The following PFKFB3 variants were observed in gnomAD, a reference collection of about 807,000 sequenced individuals.
PFKFB3 encodes the protein 6-phosphofructo-2-kinase/fructose-2,6-bisphosphatase 3.
PFKFB3 carries 33 observed loss-of-function variants against 68.0 expected under a neutral mutation model. The ratio of observed to expected loss-of-function variants is 0.49; its 90% CI spans 0.37 to 0.65. The LOEUF (loss-of-function observed/expected upper bound fraction) is 0.65, where lower values mean the gene tolerates loss of function less well. Ranked by LOEUF, PFKFB3 falls within the 30% of genes least tolerant of loss-of-function variation. The pLI, the probability that PFKFB3 is intolerant of heterozygous loss-of-function variation, is 0.00. For missense variants in PFKFB3, 586 were observed against 712.2 expected, an observed-to-expected ratio of 0.82 and a Z score of 2.02; for synonymous variants, 315 against 288.2, an observed-to-expected ratio of 1.09 and a Z score of -0.94.
At chr10:6,204,387 G>A (rs1843552267) in intron 1 of PFKFB3, among the ~76,000 whole-genome samples, 1 of 152,262 alleles carries the variant, frequency 6.6e-6, no homozygotes, top group African/African-American at 2.4e-5. Flanking sequence ...GCGCCTGAGC[G>A]CAGGCGGCTG....
intron 8 of PFKFB3, among the ~76,000 whole-genome samples, chr10:6,221,117 G>T (rs1343816783): frequency 6.6e-6 from 1 of 152,132 alleles, no homozygotes; most frequent in Non-Finnish European, 1.5e-5. Context: ...TACTTTGTAT[G>T]TGTTTGTATG....
In PFKFB3 at chr10:6,215,803, CCT is replaced by C. The variant is rs892712463; in HGVS notation, c.300-321_300-320del. Among the ~76,000 whole-genome samples the C allele has an allele frequency of 6.6e-6, 1 of 152,180 alleles. No homozygotes were observed. The highest frequency in any genetic ancestry group is 2.4e-5 in the African/African-American group (1 of 41,438). On this transcript the variant is annotated intron_variant, in intron 3 of 14. Coordinates refer to ENST00000379775, the MANE Select transcript of PFKFB3 (RefSeq NM_004566.4). The surrounding 1 kb of genome is among the most constrained non-coding windows in gnomAD (Gnocchi z 4.3). ...GAGTCTCCTGGGGGATGCTAAAATC[CCT>C]GATGCCAGGCCCCACCCCAGACCAG...
chr10:6,164,264 G>A (rs77348457), intron 1 of PFKFB3, among the ~76,000 whole-genome samples: 1,645 of 152,274 alleles, frequency 0.011, 69 homozygotes, highest in East Asian at 0.099. Context: ...AGCCCCCAGT[G>A]TGGGACACAG....
chr10:6,161,026 C>T (rs893810862), intron 1 of PFKFB3, among the ~76,000 whole-genome samples: 8 of 152,052 alleles, frequency 5.3e-5, no homozygotes, highest in Admixed American at 2.6e-4. Flanking sequence ...ACCTCCGCTT[C>T]TCGGGTTCAA....
At chr10:6,213,483 C>T (rs1844362268) in intron 1 of PFKFB3, 140 bp from the exon 2 acceptor site, 1 of 946,120 alleles carries the variant, frequency 1.1e-6, no homozygotes, top group Non-Finnish European at 1.6e-6. Context: ...GGCCACCGTG[C>T]TCCCGCCTGG....
At position 6,233,163 on chromosome 10, in the gene PFKFB3, G is replaced by A; in HGVS notation, c.*221G>A. 3.7e-6 allele frequency: 2 copies of A among 538,300 alleles called. No homozygotes were observed. Among genetic ancestry groups the A allele is most frequent in the South Asian group, 2.4e-5 (1 of 41,622 alleles). 33.3% of individuals were successfully genotyped at this position (538,300 alleles called of 1,614,324 possible). On this transcript the variant is annotated 3_prime_UTR_variant, in exon 15 of 15. Coordinates refer to ENST00000379775, the MANE Select transcript of PFKFB3 (RefSeq NM_004566.4). ...GGTCCCTGGCGCCCTGCCTTTAGCC[G>A]TGGGGCCCCCACCTCCACTCTCTGG...
At chr10:6,190,569 G>A (rs1842995243) in intron 1 of PFKFB3, among the ~76,000 whole-genome samples, 1 of 152,142 alleles carries the variant, frequency 6.6e-6, no homozygotes, top group African/African-American at 2.4e-5. Context: ...GGGAGACTGA[G>A]GCAGGGGGGA....
At chr10:6,300,714 G>A in the PFKFB3 span, among the ~76,000 whole-genome samples, 11 of 152,076 alleles carry the variant, frequency 7.2e-5, no homozygotes, top group Admixed American at 2.6e-4. Flanking sequence ...CCAGTCTCGC[G>A]AGGCACCGTG....
intron 1 of PFKFB3, among the ~76,000 whole-genome samples, chr10:6,156,346 A>G (rs1182631986): frequency 1.3e-5 from 2 of 151,618 alleles, no homozygotes. Flanking sequence ...TGTGGAGACA[A>G]AGTCTCCTTG....
the PFKFB3 span, among the ~76,000 whole-genome samples, chr10:6,317,229 T>C: frequency 1.3e-5 from 2 of 152,316 alleles, no homozygotes; most frequent in South Asian, 4.1e-4. Flanking sequence ...GGGGCAATGG[T>C]TGCAATCTGG....
At chr10:6,149,070 C>T (rs186550070) in intron 1 of PFKFB3, among the ~76,000 whole-genome samples, 1 of 152,236 alleles carries the variant, frequency 6.6e-6, no homozygotes, top group East Asian at 1.9e-4. Flanking sequence ...CAGAGCAAGA[C>T]CCTGTCTCTC....
chr10:6,323,975 C>A, the PFKFB3 span, among the ~76,000 whole-genome samples: 1 of 152,088 alleles, frequency 6.6e-6, no homozygotes, highest in Non-Finnish European at 1.5e-5. Flanking sequence ...ATCACAAGAG[C>A]CAAAAGGTAG....
intron 1 of PFKFB3, 85 bp downstream of exon 1, chr10:6,203,421 C>CCCGCAGAGGGGCG: frequency 8.2e-6 from 8 of 978,280 alleles, no homozygotes; most frequent in South Asian, 2.4e-5. Context: ...GCCGACGCCC[C>CCCGCAGAGGGGCG]TCTGCGGGGG....
At chr10:6,313,641 G>A in the PFKFB3 span, among the ~76,000 whole-genome samples, 2 of 152,082 alleles carry the variant, frequency 1.3e-5, no homozygotes, top group Non-Finnish European at 2.9e-5. The surrounding 1 kb of genome is among the most constrained non-coding windows in gnomAD (Gnocchi z 4.2). Context: ...GCTGTGCTGC[G>A]GTTTCATGAT....
At chr10:6,172,655 C>G (rs575234472) in intron 1 of PFKFB3, among the ~76,000 whole-genome samples, 1 of 152,094 alleles carries the variant, frequency 6.6e-6, no homozygotes, top group Non-Finnish European at 1.5e-5. Flanking sequence ...GACCCCATCT[C>G]TACAAAAAAT....
chr10:6,281,835 C>A, the PFKFB3 span, among the ~76,000 whole-genome samples: 1 of 151,974 alleles, frequency 6.6e-6, no homozygotes, highest in African/African-American at 2.4e-5. Context: ...GCAGATGCAG[C>A]AAAGATCGAT....
At position 6,220,274 on chromosome 10, in the gene PFKFB3, T is replaced by G. The variant is rs977575883; in HGVS notation, c.624-384T>G. On this transcript the variant is annotated intron_variant, in intron 7 of 14. Coordinates refer to ENST00000379775, the MANE Select transcript of PFKFB3 (RefSeq NM_004566.4). The surrounding 1 kb of genome is among the most constrained non-coding windows in gnomAD (Gnocchi z 4.1). ...GGGTGTCCACGCCCAGCTAATTTTT[T>G]TTTTCTTTAGTAGAGATGAGGTCTT... is the stretch of plus-strand genomic sequence containing the variant. Among the ~76,000 whole-genome samples, 1 of 150,824 alleles carries G rather than the reference T, an allele frequency of 6.6e-6. No individual in the cohort carries two copies.
intron 1 of PFKFB3, among the ~76,000 whole-genome samples, chr10:6,185,639 C>T (rs1262142589): frequency 1.7e-5 from 2 of 120,544 alleles, no homozygotes; most frequent in Admixed American, 8.9e-5. Flanking sequence ...CTCCCCGCTC[C>T]TTTTTTTTTT....
At chr10:6,323,489 C>T in the PFKFB3 span, among the ~76,000 whole-genome samples, 1 of 152,200 alleles carries the variant, frequency 6.6e-6, no homozygotes, top group Non-Finnish European at 1.5e-5. Flanking sequence ...AGCCTCATGC[C>T]CCTTTCTCAC....
Sources: allele counts gnomAD v4.1 joint callset (sites outside exome capture counted in the v4.1 genomes callset), GRCh38; gene constraint gnomAD v4.1.1; non-coding constraint Gnocchi (gnomAD v3.1); transcripts MANE v1.5; gene names NCBI Gene and HGNC (gene_info 2026-07-23, HGNC 2026-07-21).